The following GANAB variants were observed in gnomAD, a reference collection of about 807,000 sequenced individuals.
GANAB encodes the protein neutral alpha-glucosidase AB.
GANAB carries 35 observed loss-of-function variants against 129.9 expected under a neutral mutation model. That is an observed-to-expected ratio of 0.27 (90% CI 0.21 to 0.36). GANAB has a LOEUF of 0.36. Among genes scored for constraint, GANAB ranks in the 10% least tolerant of loss-of-function variants. GANAB has a pLI of 1.00. For synonymous variants in GANAB, 482 were observed against 451.8 expected (o/e 1.07, Z -0.85); for missense variants, 939 against 1,221.0 (o/e 0.77, Z 3.44).
chr11:62,637,996 G>A (rs1445700504), intron 4 of GANAB, among the ~76,000 whole-genome samples: 1 of 151,994 alleles, frequency 6.6e-6, no homozygotes, highest in Non-Finnish European at 1.5e-5. Flanking sequence ...ATAATTTATT[G>A]CTTAGGCACA....
In GANAB at chr11:62,630,649, G is replaced by A; in HGVS notation, c.1338C>T (p.Phe446=). 1.2e-6 allele frequency: 2 copies of A among 1,614,112 alleles called. No individual in the cohort carries two copies. Among genetic ancestry groups the A allele is most frequent in the Non-Finnish European group, 1.7e-6 (2 of 1,179,968 alleles). ...KRYFTWDPSR[F]PQPRTMLERL... ...GCTCAAGCATGGTGCGGGGCTGAGGGAAGCGACTGGGGTCCCAGGTGAAAT... is the reference window on the plus strand; with the variant it reads ...GCTCAAGCATGGTGCGGGGCTGAGGAAAGCGACTGGGGTCCCAGGTGAAAT... Residue 446 remains phenylalanine (F), a synonymous_variant, in exon 11 of 24, where the codon TTC becomes TTT. Coordinates refer to ENST00000356638, the MANE Select transcript of GANAB (RefSeq NM_198334.3).
chr11:62,631,121 A>G lies in GANAB; in HGVS notation c.1059T>C (p.Val353=), dbSNP rs779617343. ...TGATGCCAGTCTCTGACATCCAGCGAACATCTGTCTGTGGGGTCTCCCCAG... is the reference window on the plus strand; with the variant it reads ...TGATGCCAGTCTCTGACATCCAGCGGACATCTGTCTGTGGGGTCTCCCCAG... The part of the protein sequence containing the change: ...QGSGETPQTD[V]RWMSETGIID... Residue 353 remains valine (V), a synonymous_variant, in exon 10 of 24, where the codon GTT becomes GTC. Coordinates refer to ENST00000356638, the MANE Select transcript of GANAB (RefSeq NM_198334.3). The G allele has an allele frequency of 6.2e-7, 1 of 1,611,760 alleles. No individual in the cohort carries two copies. Among genetic ancestry groups the G allele is most frequent in the Non-Finnish European group, 8.5e-7 (1 of 1,177,974 alleles).
chr11:62,631,320 G>C (rs1478775510), intron 9 of GANAB, 137 bp from the exon 10 acceptor site: 1 of 694,804 alleles, frequency 1.4e-6, no homozygotes, highest in Non-Finnish European at 2.4e-6. Flanking sequence ...ACTAAACGGG[G>C]CCTCTTCAGT....
At chr11:62,639,493 A>G in intron 2 of GANAB, 26 bp from the exon 3 acceptor site, 2 of 1,567,638 alleles carry the variant, frequency 1.3e-6, no homozygotes, top group East Asian at 4.5e-5. Flanking sequence ...TTGGGAAGTA[A>G]GGTAAAGGCC....
chr11:62,638,692 G>A (rs1944074650), intron 4 of GANAB, among the ~76,000 whole-genome samples: 1 of 151,974 alleles, frequency 6.6e-6, no homozygotes, highest in African/African-American at 2.4e-5. Flanking sequence ...TGGAGAACGA[G>A]ATCTGTAAAT....
chr11:62,634,727 C>A, intron 5 of GANAB, 94 bp downstream of exon 5: 1 of 1,040,354 alleles, frequency 9.6e-7, no homozygotes. Flanking sequence ...CCCTACCTGG[C>A]TGTCCCACCA....
chr11:62,646,526 C>T, intron 1 of GANAB, 36 bp downstream of exon 1: 1 of 1,608,334 alleles, frequency 6.2e-7, no homozygotes, highest in Non-Finnish European at 8.5e-7. Context: ...GATCTGGGGG[C>T]GTCCCGGGCG....
At chr11:62,628,569 G>A (rs551479276) in intron 17 of GANAB, among the ~76,000 whole-genome samples, 200 bp downstream of exon 17, 5 of 152,188 alleles carry the variant, frequency 3.3e-5, no homozygotes, top group African/African-American at 7.2e-5. Flanking sequence ...TTTTCTGAAA[G>A]AGCTTATGAC....
chr11:62,630,564 T>C (rs1465576974), intron 11 of GANAB, 37 bp downstream of exon 11: 8 of 1,612,108 alleles, frequency 5.0e-6, no homozygotes, highest in Admixed American at 1.7e-5. Context: ...GCTTCAGCCC[T>C]ACCCTGAGAA....
chr11:62,646,584 C>T lies in GANAB; in HGVS notation c.16G>A (p.Ala6Thr), dbSNP rs1454491661. The part of the protein sequence containing the change: MAAVA[A>T]VAARRRRSWA... ...CACCGCCTCCTACGCGCCGCCACTG[C>T]CGCTACCGCCGCCATCTTGTGCAGA... The change falls in exon 1 of 24, where the codon GCA (alanine) becomes ACA (threonine). Residue 6 changes from alanine (A) to threonine (T), a missense_variant. Coordinates refer to ENST00000356638, the MANE Select transcript of GANAB (RefSeq NM_198334.3). 6.2e-7 allele frequency: 1 copy of T among 1,613,772 alleles called. No individual in the cohort carries two copies. Among genetic ancestry groups the T allele is most frequent in the Non-Finnish European group, 8.5e-7 (1 of 1,179,954 alleles).
rs191769278 is a variant in GANAB at position 62,626,305 on chromosome 11, G to A, written c.2624+30C>T. 24 of 1,481,126 alleles carry A rather than the reference G, an allele frequency of 1.6e-5. No homozygotes were observed. In the African/African-American group the frequency reaches 3.0e-4, roughly 19 times the overall value. 91.7% of individuals were successfully genotyped at this position (1,481,126 alleles called of 1,614,324 possible). On this transcript the variant is annotated intron_variant, in intron 22 of 23. Transcript: ENST00000356638. ...CCACAAGGATCAGGCCCCAGCAAAGGCAGCCAAGGAAGAGTGGGTGACCCA... is the reference window on the plus strand; with the variant it reads ...CCACAAGGATCAGGCCCCAGCAAAGACAGCCAAGGAAGAGTGGGTGACCCA...
rs751624246 is a variant in GANAB, at chr11:62,630,840, C to A, written c.1151-4G>T. On this transcript the variant is annotated splice_region_variant and splice_polypyrimidine_tract_variant and intron_variant, in intron 10 of 23. Transcript: ENST00000356638. ...AGTGGGGGCAACGCCTGGGTTCCTGCAGGTTCATGAGGGATGGGGGTCACA... is the reference window on the plus strand; with the variant it reads ...AGTGGGGGCAACGCCTGGGTTCCTGAAGGTTCATGAGGGATGGGGGTCACA... The A allele has an allele frequency of 6.2e-7, 1 of 1,609,018 alleles. No homozygotes were observed. Among genetic ancestry groups the A allele is most frequent in the East Asian group, 2.2e-5 (1 of 44,826 alleles).
rs1430612841 is a variant in GANAB at position 62,630,442 on chromosome 11, G to A, written c.1450C>T (p.Arg484Trp). ...GTTTTAACATACAGCCCCAGGTTCC[G>A]CAGCTCCTCGTGAACTCGGTAGCCG... Reference protein sequence around the residue: ...DSGYRVHEELRNLGLYVKTRD... With the variant: ...DSGYRVHEELWNLGLYVKTRD... Residue 484 changes from arginine to tryptophan, a missense_variant, in exon 12 of 24, where the codon CGG becomes TGG. Arg to Trp is a moderately radical substitution (Grantham distance 101, BLOSUM62 -3). Around this residue, in one of 5 missense-constraint regions of GANAB, gnomAD observed 220 missense variants for 295.9 expected, o/e 0.74. Coordinates refer to ENST00000356638, the MANE Select transcript of GANAB (RefSeq NM_198334.3). 3.1e-6 allele frequency: 5 copies of A among 1,614,112 alleles called. No homozygotes were observed. Among genetic ancestry groups the A allele is most frequent in the Admixed American group, 1.7e-5 (1 of 60,016 alleles).
At chr11:62,643,381 T>A (rs558629326) in intron 1 of GANAB, among the ~76,000 whole-genome samples, 73 of 152,084 alleles carry the variant, frequency 4.8e-4, no homozygotes, top group African/African-American at 1.7e-3. Flanking sequence ...CTCACACCTG[T>A]AATCCCAGCT....
intron 1 of GANAB, among the ~76,000 whole-genome samples, chr11:62,641,222 T>C (rs963027720): frequency 6.6e-6 from 1 of 150,920 alleles, no homozygotes; most frequent in Non-Finnish European, 1.5e-5. Flanking sequence ...TGAGCATCTG[T>C]AGTGACAGCT....
In GANAB at chr11:62,629,703, GAC is replaced by G. The variant is rs1318335442; in HGVS notation, c.1738-21_1738-20del. ...CCATGTGCTGGGTGAGGAGAGAAGA[GAC>G]GGGTAGTGAGGAGCAAAAGCCAGCT... On this transcript the variant is annotated intron_variant, in intron 14 of 23. Coordinates refer to ENST00000356638, the MANE Select transcript of GANAB (RefSeq NM_198334.3). 4 of 1,607,024 alleles carry G rather than the reference GAC, an allele frequency of 2.5e-6. No homozygotes were observed. The highest frequency in any genetic ancestry group is 3.4e-6 in the Non-Finnish European group (4 of 1,174,160).
Position 62,633,064 on chromosome 11 carries a change from GC to G in GANAB, c.755del (p.Gly252AlafsTer15). 1 of 1,612,386 alleles carries G rather than the reference GC, an allele frequency of 6.2e-7. No homozygotes were observed. Reference protein sequence around the residue: ...MSVGLDFSLPGMEHVYGIPEH... With the variant: ...MSVGLDFSLPXMEHVYGIPEH... ...CAGGGATCCCATAGACATGCTCCAT[GC>G]CTGGCAGAGAGAAGTCCAAACCCAC... is the stretch of plus-strand genomic sequence containing the variant. On this transcript the variant is annotated frameshift_variant, in exon 8 of 24. Coordinates refer to ENST00000356638, the MANE Select transcript of GANAB (RefSeq NM_198334.3). LOFTEE classifies it high-confidence loss of function.
chr11:62,641,794 G>A (rs1944275630), intron 1 of GANAB, among the ~76,000 whole-genome samples: 1 of 151,994 alleles, frequency 6.6e-6, no homozygotes. Context: ...TGGCCAGGCT[G>A]ATCTTGAATT....
chr11:62,626,901 G>A lies in GANAB; in HGVS notation c.2356C>T (p.His786Tyr). Residue 786 changes from histidine to tyrosine, a missense_variant, in exon 20 of 24, where the codon CAT (histidine) becomes TAT (tyrosine). Transcript: ENST00000356638. Reference protein sequence around the residue: ...WYDIQSYQKHHGPQTLYLPVT... With the variant: ...WYDIQSYQKHYGPQTLYLPVT... ...GGCAGGTACAGGGTCTGGGGACCATGATGCTTCTGGTAGCTTTGAATGTCA... is the reference window on the plus strand; with the variant it reads ...GGCAGGTACAGGGTCTGGGGACCATAATGCTTCTGGTAGCTTTGAATGTCA... 1.2e-6 allele frequency: 2 copies of A among 1,612,680 alleles called. No individual in the cohort carries two copies. The highest frequency in any genetic ancestry group is 2.2e-5 in the South Asian group (2 of 91,026).
Sources: gnomAD v4.1 joint callset for allele counts (sites outside exome capture counted in the v4.1 genomes callset) on GRCh38, gnomAD v4.1.1 for gene constraint, gnomAD v4.1.1 regional missense constraint, MANE v1.5 for transcripts, NCBI Gene and HGNC (gene_info 2026-07-23, HGNC 2026-07-21) for gene names.